Variants in MUS81 observed in about 807,000 individuals in gnomAD.
MUS81 encodes MUS81 structure-specific endonuclease subunit, also known as structure-specific endonuclease subunit MUS81.
Under a neutral mutation model 74.2 loss-of-function variants are expected in MUS81, and 69 were observed. The ratio of observed to expected loss-of-function variants is 0.93; its 90% CI spans 0.77 to 1.14. The LOEUF (loss-of-function observed/expected upper bound fraction) is 1.14, where lower values mean the gene tolerates loss of function less well. MUS81 is among the 50% of genes most tolerant of loss of function. The pLI, the probability that MUS81 is intolerant of heterozygous loss-of-function variation, is 0.00. For synonymous variants in MUS81, 303 were observed against 300.6 expected (o/e 1.01, Z -0.08); for missense variants, 711 against 726.5 (o/e 0.98, Z 0.25).
intron 2 of MUS81, 123 bp downstream of exon 2, chr11:65,861,225 C>G (rs559786097): frequency 6.4e-7 from 1 of 1,554,800 alleles, no homozygotes; most frequent in South Asian, 1.2e-5. Flanking sequence ...CGGCCTAGGG[C>G]TAGTGGCTGG....
chr11:65,865,870 C>G lies in MUS81; in HGVS notation c.1565C>G (p.Thr522Ser). 1 of 1,614,148 alleles carries G rather than the reference C, an allele frequency of 6.2e-7. No individual in the cohort carries two copies. Among genetic ancestry groups the G allele is most frequent in the Admixed American group, 1.7e-5 (1 of 60,018 alleles). Residue 522 changes from threonine to serine, a missense_variant, in exon 15 of 16, where the codon ACC becomes AGC. Transcript: ENST00000308110. ...TPKEQETLLS[T>S]IKCGRLQRNL... ...AAGGAACAAGAGACACTGCTGAGCA[C>G]CATTAAGTGTGGGCGTCTACAGAGG...
At chr11:65,860,125 G>A (rs954728082), upstream of MUS81, 18 of 391,788 alleles carry the variant, frequency 4.6e-5, no homozygotes, top group Non-Finnish European at 8.5e-5. Flanking sequence ...TTCCTCCAAG[G>A]GTCCTGCAGC....
downstream of MUS81, chr11:65,867,277 C>T (rs1363386363): frequency 6.3e-6 from 4 of 632,628 alleles, no homozygotes; most frequent in Non-Finnish European, 8.3e-6. Flanking sequence ...TCAGAAATCT[C>T]CTGCTGGGGC....
upstream of MUS81, chr11:65,860,198 A>G (rs1461146148): frequency 2.2e-6 from 1 of 451,000 alleles, no homozygotes; most frequent in South Asian, 1.6e-5. Context: ...CCTCCCACCA[A>G]TACGTTTGCA....
rs1051112014 is a variant in MUS81 at position 65,860,539 on chromosome 11, C to G, written c.-215C>G. ...GATCGTTAGAGACAGCGCCCCTGACCAACCACTTAGAGCAGCGCAGGGGTG... is the reference window on the plus strand; with the variant it reads ...GATCGTTAGAGACAGCGCCCCTGACGAACCACTTAGAGCAGCGCAGGGGTG... On this transcript the variant is annotated 5_prime_UTR_variant, in exon 1 of 16. Coordinates refer to ENST00000308110, the MANE Select transcript of MUS81 (RefSeq NM_025128.5). 8 of 631,722 alleles carry G rather than the reference C, an allele frequency of 1.3e-5. No individual in the cohort carries two copies. The African/African-American group carries it at 1.5e-4, about 12-fold the overall frequency. The allele number at this position is 631,722 out of a possible 1,614,324, so 39.1% of individuals were successfully genotyped here.
Position 65,860,792 on chromosome 11 carries a change from G to T in MUS81, c.39G>T (p.Leu13=). Reference sequence around the variant, plus strand: ...TCCGCCTGGGCCGGAAGCGCCCGCTGCCTGCCTGTCCCAACCCGCTCTTCG... The same window carrying T: ...TCCGCCTGGGCCGGAAGCGCCCGCTTCCTGCCTGTCCCAACCCGCTCTTCG... ...APVRLGRKRP[L]PACPNPLFVR... The change falls in exon 1 of 16, where the codon CTG becomes CTT. Residue 13 remains leucine, a synonymous_variant. Coordinates refer to ENST00000308110, the MANE Select transcript of MUS81 (RefSeq NM_025128.5). 2 of 1,540,550 alleles carry T rather than the reference G, an allele frequency of 1.3e-6. No homozygotes were observed. The highest frequency in any genetic ancestry group is 1.7e-6 in the Non-Finnish European group (2 of 1,147,084).
In MUS81 at chr11:65,861,423, C is replaced by T; in HGVS notation, c.339C>T (p.Asp113=). Residue 113 remains aspartate, a synonymous_variant, in exon 3 of 16, where the codon GAC becomes GAT. Transcript: ENST00000308110. The part of the protein sequence containing the change: ...APQGRLAEVQ[D]SSMPVPAQPK... ...AGGGGCGACTTGCGGAAGTCCAGGA[C>T]TCTTCCATGCCAGTGAGGAAGGGGC... is the stretch of plus-strand genomic sequence containing the variant. The T allele has an allele frequency of 6.2e-7, 1 of 1,601,724 alleles. No individual in the cohort carries two copies. Among genetic ancestry groups the T allele is most frequent in the Non-Finnish European group, 8.5e-7 (1 of 1,173,084 alleles).
chr11:65,861,030 A>G lies in MUS81; in HGVS notation c.193A>G (p.Ile65Val), dbSNP rs777773312. Reference protein sequence around the residue: ...LPLRSGKEAKILQHFGDGLCR... With the variant: ...LPLRSGKEAKVLQHFGDGLCR... The stretch of plus-strand genomic sequence containing the variant: ...GCTGCGCAGCGGGAAGGAAGCTAAG[A>G]TCCTACAGCACTTCGGAGACGGGCT... The change falls in exon 2 of 16, where the codon ATC becomes GTC. Residue 65 changes from isoleucine (I) to valine (V), a missense_variant. By Grantham distance (29) the Ile-to-Val change is conservative. Transcript: ENST00000308110. 1.2e-6 allele frequency: 2 copies of G among 1,612,580 alleles called. No individual in the cohort carries two copies. The highest frequency in any genetic ancestry group is 1.1e-5 in the South Asian group (1 of 91,080).
chr11:65,865,696 G>A (rs1026196865), intron 14 of MUS81, 115 bp from the exon 15 acceptor site: 1 of 1,077,180 alleles, frequency 9.3e-7, no homozygotes, highest in South Asian at 1.4e-5. Flanking sequence ...AGCTCAGGAA[G>A]TGGGGCAGTG....
In MUS81 at chr11:65,860,628, C is replaced by A. The variant is rs752576120; in HGVS notation, c.-126C>A. 7 of 1,366,704 alleles carry A rather than the reference C, an allele frequency of 5.1e-6. No homozygotes were observed. In the Admixed American group the frequency reaches 8.3e-5, roughly 16 times the overall value. 84.7% of individuals were successfully genotyped at this position (1,366,704 alleles called of 1,614,324 possible). On this transcript the variant is annotated 5_prime_UTR_variant, in exon 1 of 16. Coordinates refer to ENST00000308110, the MANE Select transcript of MUS81 (RefSeq NM_025128.5). ...TGTGTTTGGGGCCCCGTGATCTCAA[C>A]GGTCCTGCCCTCGGTCTCCCTCTTC...
At chr11:65,864,203 G>A (rs1859726445) in intron 10 of MUS81, 4 of 584,918 alleles carry the variant, frequency 6.8e-6, no homozygotes, top group Non-Finnish European at 1.2e-5. Context: ...TACAGAGGCT[G>A]TACCTTGGTA....
rs1319610758 is a variant in MUS81 at position 65,866,371 on chromosome 11, G to A, written c.*319G>A. The stretch of plus-strand genomic sequence containing the variant: ...CAAATAAAATTTCCTTAGGAGTGCA[G>A]AGGGCTCATTGGGAAAATAAAAATA... On this transcript the variant is annotated 3_prime_UTR_variant, in exon 16 of 16. Transcript: ENST00000308110. 2 of 623,276 alleles carry A rather than the reference G, an allele frequency of 3.2e-6. No homozygotes were observed. Among genetic ancestry groups the A allele is most frequent in the East Asian group, 2.7e-5 (1 of 36,500 alleles). 38.6% of individuals were successfully genotyped at this position (623,276 alleles called of 1,614,324 possible). A position where few individuals can be genotyped will look rare whatever the true frequency, so the allele number is the denominator to read the frequency against.
upstream of MUS81, among the ~76,000 whole-genome samples, chr11:65,859,832 C>T (rs895180668): frequency 6.6e-6 from 1 of 152,212 alleles, no homozygotes; most frequent in Non-Finnish European, 1.5e-5. Context: ...CTGAGGGTCT[C>T]CCACTTCCGA....
Position 65,866,124 on chromosome 11 carries a change from C to A in MUS81, c.*72C>A. On this transcript the variant is annotated 3_prime_UTR_variant, in exon 16 of 16. Transcript: ENST00000308110. ...AGGCTAGCCAGCCTTTTAACAACAT[C>A]TTTTGGGGTACAATTAGAATCTAAG... 1.4e-6 allele frequency: 2 copies of A among 1,412,494 alleles called. No individual in the cohort carries two copies. Among genetic ancestry groups the A allele is most frequent in the Non-Finnish European group, 2.0e-6 (2 of 1,021,738 alleles). The allele number at this position is 1,412,494 out of a possible 1,614,324, so 87.5% of individuals were successfully genotyped here. A position where few individuals can be genotyped will look rare whatever the true frequency, so the allele number is the denominator to read the frequency against.
In MUS81 at chr11:65,860,780, GA is replaced by G; in HGVS notation, c.29del (p.Lys10SerfsTer16). 1 of 1,537,036 alleles carries G rather than the reference GA, an allele frequency of 6.5e-7. No individual in the cohort carries two copies. Among genetic ancestry groups the G allele is most frequent in the Non-Finnish European group, 8.7e-7 (1 of 1,146,186 alleles). Reference protein sequence around the residue: MAAPVRLGRKRPLPACPNPL... With the variant: MAAPVRLGRXRPLPACPNPL... ...TGGCGGCCCCGGTCCGCCTGGGCCG[GA>G]AGCGCCCGCTGCCTGCCTGTCCCAA... On this transcript the variant is annotated frameshift_variant, in exon 1 of 16. Coordinates refer to ENST00000308110, the MANE Select transcript of MUS81 (RefSeq NM_025128.5). LOFTEE classifies it high-confidence loss of function.
At chr11:65,864,018 C>A in intron 10 of MUS81, 117 bp downstream of exon 10, 1 of 983,490 alleles carries the variant, frequency 1.0e-6, no homozygotes, top group Non-Finnish European at 1.6e-6. Context: ...TGGAATCCAG[C>A]CACACCCACC....
chr11:65,862,795 A>G (rs1449395413), intron 6 of MUS81, among the ~76,000 whole-genome samples: 1 of 152,236 alleles, frequency 6.6e-6, no homozygotes, highest in Admixed American at 6.5e-5. Flanking sequence ...GAGATGCAGG[A>G]TAAGTATTCC....
At position 65,860,650 on chromosome 11, in the gene MUS81, C is replaced by T. The variant is rs1055268082; in HGVS notation, c.-104C>T. ...CAACGGTCCTGCCCTCGGTCTCCCT[C>T]TTCCCCCGCCCCGCCCTGGGCCAGG... On this transcript the variant is annotated 5_prime_UTR_variant, in exon 1 of 16. Transcript: ENST00000308110. The T allele has an allele frequency of 4.0e-6, 6 of 1,493,910 alleles. No individual in the cohort carries two copies. Among genetic ancestry groups the T allele is most frequent in the Non-Finnish European group, 5.4e-6 (6 of 1,112,128 alleles). The allele number at this position is 1,493,910 out of a possible 1,614,324, so 92.5% of individuals were successfully genotyped here.
chr11:65,862,114 C>T, intron 4 of MUS81, 69 bp downstream of exon 4: 1 of 1,590,810 alleles, frequency 6.3e-7, no homozygotes, highest in Non-Finnish European at 8.6e-7. Flanking sequence ...AGGGGCCTGG[C>T]CCAGGCAGGG....
Sources: allele counts gnomAD v4.1 joint callset (sites outside exome capture counted in the v4.1 genomes callset), GRCh38; gene constraint gnomAD v4.1.1; transcripts MANE v1.5; gene names NCBI Gene and HGNC (gene_info 2026-07-23, HGNC 2026-07-21).